SLC45A4: variants seen among roughly 807,000 people sequenced by gnomAD.
The protein encoded by SLC45A4 is solute carrier family 45 member 4.
In SLC45A4, 32 loss-of-function variants were observed where a neutral mutation model predicts 63.7. That is an observed-to-expected ratio of 0.50 (90% CI 0.38 to 0.67). The LOEUF (loss-of-function observed/expected upper bound fraction) is 0.67, where lower values mean the gene tolerates loss of function less well. Among genes scored for constraint, SLC45A4 ranks in the 30% least tolerant of loss-of-function variants. The pLI is 0.00. For missense variants in SLC45A4, 1,027 were observed against 1,157.7 expected (o/e 0.89, Z 1.64); for synonymous variants, 535 against 510.0 (o/e 1.05, Z -0.66).
chr8:141,303,478 T>C (rs1324145794), intron 1 of SLC45A4, among the ~76,000 whole-genome samples: 2 of 152,066 alleles, frequency 1.3e-5, no homozygotes, highest in Admixed American at 6.6e-5. Context: ...GGGTCATATA[T>C]AAAAGTATAA....
intron 2 of SLC45A4, among the ~76,000 whole-genome samples, chr8:141,242,923 C>A (rs143473547): frequency 6.6e-6 from 1 of 152,230 alleles, no homozygotes; most frequent in Non-Finnish European, 1.5e-5. Context: ...CAAGAGGCGA[C>A]GGGATTTTCA....
chr8:141,257,383 A>T (rs1451602423), intron 1 of SLC45A4, among the ~76,000 whole-genome samples: 1 of 152,206 alleles, frequency 6.6e-6, no homozygotes, highest in Non-Finnish European at 1.5e-5. Flanking sequence ...TTGTGAGAAG[A>T]AGTAACACCC....
In SLC45A4 at chr8:141,278,905, A is replaced by G. The variant is rs1829835591; in HGVS notation, c.-400-24276T>C. Among the ~76,000 whole-genome samples the G allele has an allele frequency of 6.6e-6, 1 of 152,204 alleles. No individual in the cohort carries two copies. Among genetic ancestry groups the G allele is most frequent in the African/African-American group, 2.4e-5 (1 of 41,450 alleles). The stretch of plus-strand genomic sequence containing the variant: ...CCAGGCTGCTGGGGGCCAGGGCTCC[A>G]GCCTCCAGGGCAGCACACCTCAGCC... On this transcript the variant is annotated intron_variant, in intron 1 of 8. Coordinates refer to ENST00000517878, the MANE Select transcript of SLC45A4 (RefSeq NM_001286646.2). This position sits in a 1 kb window ranked among gnomAD's most constrained non-coding sequence, Gnocchi z 4.1.
intron 1 of SLC45A4, among the ~76,000 whole-genome samples, chr8:141,280,972 A>C (rs1016078018): frequency 6.6e-6 from 1 of 152,206 alleles, no homozygotes; most frequent in East Asian, 1.9e-4. Context: ...TCCTACTCAA[A>C]GACAACGGAG....
chr8:141,223,004 G>A, intron 2 of SLC45A4, among the ~76,000 whole-genome samples: 1 of 152,206 alleles, frequency 6.6e-6, no homozygotes, highest in Admixed American at 6.5e-5. Context: ...TGCTTGGCAC[G>A]CCAGCGGCTC....
At chr8:141,290,318 G>A (rs751634853) in intron 1 of SLC45A4, among the ~76,000 whole-genome samples, 23 of 151,734 alleles carry the variant, frequency 1.5e-4, no homozygotes, top group Non-Finnish European at 2.1e-4. Context: ...CCCAAGTGCC[G>A]CAGCTCCAAG....
rs1192037834 is a variant in SLC45A4 at position 141,256,808 on chromosome 8, T to C, written c.-400-2179A>G. On this transcript the variant is annotated intron_variant, in intron 1 of 8. Transcript: ENST00000517878. This position sits in a 1 kb window ranked among gnomAD's most constrained non-coding sequence, Gnocchi z 4.3. The stretch of plus-strand genomic sequence containing the variant: ...AAACATCTCAATTAAAACAAGAGTT[T>C]CCAAACTGTCACCTTACTGCAATAT... 5 of 343,920 alleles carry C rather than the reference T, an allele frequency of 1.5e-5. No individual in the cohort carries two copies. Among genetic ancestry groups the C allele is most frequent in the Non-Finnish European group, 2.9e-5 (5 of 171,132 alleles). 21.3% of individuals were successfully genotyped at this position (343,920 alleles called of 1,614,324 possible).
Position 141,217,158 on chromosome 8 carries a change from T to A in SLC45A4, c.1661A>T (p.Tyr554Phe), listed in dbSNP as rs1407914474. The A allele has an allele frequency of 6.2e-7, 1 of 1,613,800 alleles. No individual in the cohort carries two copies. The highest frequency in any genetic ancestry group is 8.5e-7 in the Non-Finnish European group (1 of 1,180,000). The change falls in exon 6 of 9, where the codon TAC becomes TTC. Residue 554 changes from tyrosine to phenylalanine, a missense_variant. Tyr to Phe is a conservative substitution (Grantham distance 22, BLOSUM62 3). Coordinates refer to ENST00000517878, the MANE Select transcript of SLC45A4 (RefSeq NM_001286646.2). ...GCAGCCCATCTTGACCCCGGCGTTG[T>A]AGGCTTGCCAGGCGGTCGAGTTCGA... ...APSNSTAWQA[Y>F]NAGVKMGCWG...
intron 1 of SLC45A4, among the ~76,000 whole-genome samples, chr8:141,257,819 G>C (rs1198342112): frequency 6.6e-6 from 1 of 152,166 alleles, no homozygotes; most frequent in Non-Finnish European, 1.5e-5. Context: ...ACAGCCTCCA[G>C]CAGAGAAGGC....
intron 2 of SLC45A4, among the ~76,000 whole-genome samples, chr8:141,237,102 G>C (rs1025028164): frequency 3.3e-5 from 5 of 152,058 alleles, no homozygotes; most frequent in African/African-American, 1.2e-4. Context: ...AAATTATAGC[G>C]ATCTAGTAAG....
Position 141,219,715 on chromosome 8 carries a change from T to C in SLC45A4, c.545A>G (p.Tyr182Cys). The C allele has an allele frequency of 6.2e-7, 1 of 1,611,288 alleles. No homozygotes were observed. Among genetic ancestry groups the C allele is most frequent in the Non-Finnish European group, 8.5e-7 (1 of 1,179,044 alleles). Residue 182 changes from tyrosine to cysteine, a missense_variant, in exon 4 of 9, where the codon TAT becomes TGT. Physicochemically the swap from Tyr to Cys is radical, Grantham distance 194. Coordinates refer to ENST00000517878, the MANE Select transcript of SLC45A4 (RefSeq NM_001286646.2). ...CTCGCTGTCCACCACGTCCAGCAGA[T>C]AGGCACGGATGGGCCCCTCGGTGGC... ...ADATEGPIRA[Y>C]LLDVVDSEEQ...
intron 1 of SLC45A4, among the ~76,000 whole-genome samples, chr8:141,286,149 G>C (rs1830136578): frequency 3.3e-5 from 5 of 152,202 alleles, no homozygotes; most frequent in Admixed American, 3.3e-4. Flanking sequence ...AAAGGCACAA[G>C]GGGAGACAGG....
rs552081338 is a variant in SLC45A4 at position 141,229,099 on chromosome 8, C to G, written c.242-7334G>C. 2.0e-5 allele frequency among the ~76,000 whole-genome samples: 3 copies of G among 152,194 alleles called. No homozygotes were observed. The highest frequency in any genetic ancestry group is 4.8e-5 in the African/African-American group (2 of 41,438). On this transcript the variant is annotated intron_variant, in intron 2 of 8. Transcript: ENST00000517878. The surrounding 1 kb of genome is among the most constrained non-coding windows in gnomAD (Gnocchi z 5.0). ...CTGCCTGAAGTACTTTACCTTCCCC[C>G]CTTACCTGACATTCAATAACTGCTT...
intron 2 of SLC45A4, among the ~76,000 whole-genome samples, chr8:141,231,172 G>A (rs1212417377): frequency 6.6e-6 from 1 of 152,208 alleles, no homozygotes; most frequent in African/African-American, 2.4e-5. Context: ...TCCCAGGATG[G>A]GTGCGGAGGG....
In SLC45A4 at chr8:141,212,150, G is replaced by A. The variant is rs1023688688; in HGVS notation, c.2301+47C>T. 354 of 889,452 alleles carry A rather than the reference G, an allele frequency of 4.0e-4. 2 individuals carry two copies. In the East Asian group the frequency reaches 0.013, roughly 32 times the overall value. 55.1% of individuals were successfully genotyped at this position (889,452 alleles called of 1,614,324 possible). ...GCCTGGCCCCGCCGCCCGCCCGCCC[G>A]CCCACCCGCCCACTGGAATGTGTGT... On this transcript the variant is annotated intron_variant, in intron 8 of 8. Coordinates refer to ENST00000517878, the MANE Select transcript of SLC45A4 (RefSeq NM_001286646.2).
At chr8:141,217,982 C>T (rs754599842) in intron 5 of SLC45A4, 29 bp downstream of exon 5, 4 of 246,612 alleles carry the variant, frequency 1.6e-5, no homozygotes, top group Non-Finnish European at 2.0e-5. Flanking sequence ...GCAGAGAGAG[C>T]GGCCCCGCTC....
chr8:141,282,404 A>T (rs1829987323), intron 1 of SLC45A4, among the ~76,000 whole-genome samples: 1 of 152,180 alleles, frequency 6.6e-6, no homozygotes, highest in Non-Finnish European at 1.5e-5. Flanking sequence ...AGCAGCCACT[A>T]GTCAAGCTCA....
intron 2 of SLC45A4, among the ~76,000 whole-genome samples, chr8:141,232,727 CACAG>C (rs1827427720): frequency 7.4e-6 from 1 of 134,786 alleles, no homozygotes; most frequent in African/African-American, 2.8e-5. Context: ...AGTGGCTCAA[CACAG>C]ACATTCAGTG....
At chr8:141,245,327 C>T (rs745903074) in intron 2 of SLC45A4, among the ~76,000 whole-genome samples, 15 of 152,026 alleles carry the variant, frequency 9.9e-5, no homozygotes, top group Non-Finnish European at 1.5e-4. Flanking sequence ...ACCACCGTTT[C>T]GAGGAGGGAC....
Sources: gnomAD v4.1 joint callset for allele counts (sites outside exome capture counted in the v4.1 genomes callset) on GRCh38, gnomAD v4.1.1 for gene constraint, Gnocchi (gnomAD v3.1) non-coding constraint, MANE v1.5 for transcripts, NCBI Gene and HGNC (gene_info 2026-07-23, HGNC 2026-07-21) for gene names.